The following FAM120C variants were observed in gnomAD, a reference collection of about 807,000 sequenced individuals.
The protein encoded by FAM120C is constitutive coactivator of PPAR-gamma-like protein 2.
Under a neutral mutation model 71.2 loss-of-function variants are expected in FAM120C, and 14 were observed. The observed-to-expected ratio is 0.20, with a 90% confidence interval of 0.13 to 0.31. The LOEUF is 0.31. Ranked by LOEUF, FAM120C falls within the 10% of genes least tolerant of loss-of-function variation. The pLI, the probability that FAM120C is intolerant of heterozygous loss-of-function variation, is 1.00. For synonymous variants in FAM120C, 354 were observed against 353.2 expected (o/e 1.00, Z -0.03); for missense variants, 500 against 879.0 (o/e 0.57, Z 5.45).
intron 15 of FAM120C, among the ~76,000 whole-genome samples, chrX:54,075,844 G>A (rs1557120576): frequency 9.1e-6 from 1 of 109,830 alleles, no homozygotes; most frequent in African/African-American, 3.3e-5. Context: ...GCCGGGTGTG[G>A]TAGCTCACGC....
rs797034404 is a variant in FAM120C, at chrX:54,103,753, CTCTT to C, written c.2313-12331_2313-12328del. 1.0e-3 allele frequency among the ~76,000 whole-genome samples: 24 copies of C among 23,915 alleles called. No individual in the cohort carries two copies. In the East Asian group the frequency reaches 0.03, roughly 30 times the overall value. 20.8% of individuals were successfully genotyped at this position (23,915 alleles called of 115,157 possible). ...TCGGTACGTAATAGGTCCAAAACACCTCTTTTTTTTTTTTTTCCAATAACAGTCT... is the reference window on the plus strand; with the variant it reads ...TCGGTACGTAATAGGTCCAAAACACCTTTTTTTTTTTTCCAATAACAGTCT... On this transcript the variant is annotated intron_variant, in intron 10 of 15. Coordinates refer to ENST00000375180, the MANE Select transcript of FAM120C (RefSeq NM_017848.6).
chrX:54,085,606 T>G, intron 13 of FAM120C, 109 bp downstream of exon 13: 4 of 719,000 alleles, frequency 5.6e-6, no homozygotes, highest in Non-Finnish European at 7.9e-6. Flanking sequence ...AAAAAGTCAA[T>G]GAGATGAGAT....
chrX:54,094,254 C>T (rs782010480), intron 10 of FAM120C, among the ~76,000 whole-genome samples: 21 of 108,264 alleles, frequency 1.9e-4, no homozygotes, highest in Admixed American at 4.0e-4. Context: ...CCTGCCACCA[C>T]GCCTGGCTAA....
chrX:54,134,314 AT>A (rs1315932382), intron 7 of FAM120C, among the ~76,000 whole-genome samples: 1 of 111,778 alleles, frequency 8.9e-6, no homozygotes, highest in African/African-American at 3.3e-5. Context: ...GAGTTTGCTT[AT>A]GTTTTAAGAA....
chrX:54,155,099 G>A (rs2067203079), intron 3 of FAM120C, among the ~76,000 whole-genome samples: 1 of 111,776 alleles, frequency 8.9e-6, no homozygotes, highest in African/African-American at 3.2e-5. Context: ...AGCTACTTAA[G>A]AGGCTGCTGC....
At chrX:54,165,730 C>T (rs782398939) in intron 1 of FAM120C, among the ~76,000 whole-genome samples, 129 of 109,792 alleles carry the variant, frequency 1.2e-3, no homozygotes, top group Non-Finnish European at 2.2e-3. Flanking sequence ...TGAGCCAAGA[C>T]CGCGCCACTG....
chrX:54,100,307 C>T (rs1262225803), intron 10 of FAM120C, among the ~76,000 whole-genome samples: 2 of 111,037 alleles, frequency 1.8e-5, no homozygotes, highest in African/African-American at 3.3e-5. Context: ...CTGGCTAACA[C>T]GGTGAAACCC....
intron 1 of FAM120C, 94 bp from the exon 2 acceptor site, chrX:54,159,710 G>A: frequency 1.2e-6 from 1 of 868,651 alleles, no homozygotes; most frequent in East Asian, 3.5e-5. Context: ...ATAGTTTGGT[G>A]AAATTTGAAA....
At chrX:54,157,078 T>C (rs1557133806) in intron 3 of FAM120C, among the ~76,000 whole-genome samples, 1 of 110,144 alleles carries the variant, frequency 9.1e-6, no homozygotes, top group Admixed American at 9.8e-5. Context: ...ACTGATCATT[T>C]AATTTACATG....
chrX:54,073,285 G>A lies in FAM120C; in HGVS notation c.3039C>T (p.Gly1013=). Residue 1013 remains glycine (G), a splice_region_variant and synonymous_variant, in exon 16 of 16, where the codon GGC becomes GGT. Coordinates refer to ENST00000375180, the MANE Select transcript of FAM120C (RefSeq NM_017848.6). ...SKGHKKGNKQ[G]SSDGVSKSLE... is the part of the protein sequence containing the mutation. ...GGGATTTAGAAACTCCATCTGAAGA[G>A]CCCTGTTAAAAACAGAGATACTCAG... 5.8e-6 allele frequency: 7 copies of A among 1,198,913 alleles called. No homozygotes were observed. The highest frequency in any genetic ancestry group is 7.9e-6 in the Non-Finnish European group (7 of 887,082).
At chrX:54,118,369 T>C (rs1003800380) in intron 9 of FAM120C, among the ~76,000 whole-genome samples, 40 of 111,526 alleles carry the variant, frequency 3.6e-4, no homozygotes, top group East Asian at 5.6e-4. Context: ...CATTCACCCA[T>C]TGAAGCATAT....
intron 9 of FAM120C, among the ~76,000 whole-genome samples, chrX:54,118,493 T>A (rs1557127034): frequency 9.1e-6 from 1 of 109,343 alleles, no homozygotes; most frequent in Non-Finnish European, 1.9e-5. Context: ...CTGGGTTGTA[T>A]AAGTCTATTT....
chrX:54,103,999 G>A (rs1383875720), intron 10 of FAM120C, among the ~76,000 whole-genome samples: 2 of 111,922 alleles, frequency 1.8e-5, no homozygotes, highest in African/African-American at 3.2e-5. Flanking sequence ...TAAACGATTT[G>A]CTTCTCAAGA....
At chrX:54,127,406 A>G (rs1210670347) in intron 9 of FAM120C, among the ~76,000 whole-genome samples, 1 of 107,976 alleles carries the variant, frequency 9.3e-6, no homozygotes, top group Admixed American at 1.0e-4. Context: ...CCTGGCTAAC[A>G]TGGTGAAACC....
rs374309023 is a variant in FAM120C, at chrX:54,159,341, C to G, written c.946+29G>C. The G allele has an allele frequency of 9.9e-6, 12 of 1,207,161 alleles. No individual in the cohort carries two copies. In the African/African-American group the frequency reaches 2.1e-4, roughly 21 times the overall value. On this transcript the variant is annotated intron_variant, in intron 2 of 15. Coordinates refer to ENST00000375180, the MANE Select transcript of FAM120C (RefSeq NM_017848.6). Reference sequence around the variant, plus strand: ...AACACCAGAAGAGGAAACTACCAATCACTGCAGTCTTTTCTTTGGATGACC... The same window carrying G: ...AACACCAGAAGAGGAAACTACCAATGACTGCAGTCTTTTCTTTGGATGACC...
In FAM120C at chrX:54,135,620, A is replaced by T; in HGVS notation, c.1259-16T>A. On this transcript the variant is annotated splice_polypyrimidine_tract_variant and intron_variant, in intron 5 of 15. Transcript: ENST00000375180. ...TTCCGAAAACCTGAAGCCAAGAGAA[A>T]GAGCTATACTTCAGTCAATCCTAAT... 6.8e-6 allele frequency: 8 copies of T among 1,179,257 alleles called. No homozygotes were observed. The Middle Eastern group carries it at 7.0e-4, about 104-fold the overall frequency.
intron 15 of FAM120C, among the ~76,000 whole-genome samples, chrX:54,074,115 C>T (rs948293722): frequency 9.0e-6 from 1 of 111,475 alleles, no homozygotes; most frequent in Non-Finnish European, 1.9e-5. Flanking sequence ...TGTGAGCCAC[C>T]GCACCTGGCT....
intron 15 of FAM120C, among the ~76,000 whole-genome samples, chrX:54,074,073 G>A (rs1453808308): frequency 4.5e-5 from 5 of 111,447 alleles, no homozygotes; most frequent in Non-Finnish European, 9.4e-5. Flanking sequence ...TGAACTGCCT[G>A]CCTCAGCCTC....
At chrX:54,123,672 C>A in intron 9 of FAM120C, among the ~76,000 whole-genome samples, 1 of 45,868 alleles carries the variant, frequency 2.2e-5, no homozygotes, top group Middle Eastern at 9.9e-3. Flanking sequence ...GAATGTCCTC[C>A]CGTAGCTCAG....
Sources: allele counts gnomAD v4.1 joint callset (sites outside exome capture counted in the v4.1 genomes callset), GRCh38; gene constraint gnomAD v4.1.1; transcripts MANE v1.5; gene names NCBI Gene and HGNC (gene_info 2026-07-23, HGNC 2026-07-21).